Variants in LRMDA observed in about 807,000 individuals in gnomAD.
LRMDA encodes leucine rich melanocyte differentiation associated, also known as leucine-rich melanocyte differentiation-associated protein.
A neutral mutation model predicts 29.8 loss-of-function variants in LRMDA; 18 were observed. The ratio of observed to expected loss-of-function variants is 0.60; its 90% CI spans 0.42 to 0.90. The LOEUF (loss-of-function observed/expected upper bound fraction) is 0.90. Ranked by LOEUF, LRMDA falls within the 40% of genes least tolerant of loss-of-function variation. The pLI is 0.00. For synonymous variants in LRMDA, 125 were observed against 109.4 expected (o/e 1.14, Z -0.89); for missense variants, 273 against 273.9 (o/e 1.00, Z 0.02).
intron 2 of LRMDA, among the ~76,000 whole-genome samples, chr10:75,859,618 C>T (rs201459176): frequency 2.3e-5 from 1 of 43,490 alleles, no homozygotes; most frequent in African/African-American, 7.4e-5. Context: ...CACACACACA[C>T]ACACACACAC....
At chr10:75,790,900 TG>T (rs1843554596) in intron 2 of LRMDA, among the ~76,000 whole-genome samples, 1 of 152,248 alleles carries the variant, frequency 6.6e-6, no homozygotes, top group Admixed American at 6.5e-5. Context: ...TTCGTTGTAA[TG>T]GTTCTTGCAA....
intron 5 of LRMDA, among the ~76,000 whole-genome samples, chr10:76,211,192 A>G (rs1851627677): frequency 6.6e-6 from 1 of 152,222 alleles, no homozygotes; most frequent in South Asian, 2.1e-4. Context: ...GCACCTATCA[A>G]CATCCTACAG....
intron 2 of LRMDA, among the ~76,000 whole-genome samples, chr10:75,548,652 G>T (rs1402415792): frequency 6.6e-6 from 1 of 152,072 alleles, no homozygotes. Flanking sequence ...CAGATGCTGG[G>T]TGGCTCATTA....
intron 6 of LRMDA, among the ~76,000 whole-genome samples, chr10:76,489,715 C>T (rs1471789955): frequency 6.6e-6 from 1 of 151,850 alleles, no homozygotes; most frequent in Admixed American, 6.6e-5. Flanking sequence ...CTTACATTAT[C>T]AGTCATTTCA....
chr10:76,272,542 T>C (rs995793595), intron 5 of LRMDA, among the ~76,000 whole-genome samples: 5 of 152,198 alleles, frequency 3.3e-5, no homozygotes, highest in African/African-American at 1.2e-4. Flanking sequence ...TACATTAGCA[T>C]GAGGGCTTTG....
At chr10:76,289,588 G>A (rs938457124) in intron 5 of LRMDA, among the ~76,000 whole-genome samples, 2 of 152,080 alleles carry the variant, frequency 1.3e-5, no homozygotes, top group Non-Finnish European at 2.9e-5. Context: ...TATTACAGGC[G>A]ATATTTGGAT....
Position 75,636,273 on chromosome 10 carries a change from G to A in LRMDA, c.131+197779G>A, listed in dbSNP as rs544912293. On this transcript the variant is annotated intron_variant, in intron 2 of 6. Transcript: ENST00000611255. Reference sequence around the variant, plus strand: ...GATGCTGTCATTTAGGAGTGGTGTGGCAATTTGACCTTGAACAAATTACCT... The same window carrying A: ...GATGCTGTCATTTAGGAGTGGTGTGACAATTTGACCTTGAACAAATTACCT... Among the ~76,000 whole-genome samples, 108 of 152,178 alleles carry A rather than the reference G, an allele frequency of 7.1e-4. No homozygotes were observed. In the Middle Eastern group the frequency reaches 0.014, roughly 19 times the overall value.
chr10:75,937,177 T>C (rs1486824509), intron 2 of LRMDA, among the ~76,000 whole-genome samples: 1 of 152,236 alleles, frequency 6.6e-6, no homozygotes, highest in Non-Finnish European at 1.5e-5. Flanking sequence ...GTTTGAACTA[T>C]GACTACATTT....
chr10:75,628,737 G>A (rs866452844), intron 2 of LRMDA, among the ~76,000 whole-genome samples: 3 of 152,100 alleles, frequency 2.0e-5, no homozygotes, highest in East Asian at 3.9e-4. Context: ...TCTGACAGCC[G>A]GCACCACCAG....
intron 5 of LRMDA, among the ~76,000 whole-genome samples, chr10:76,112,200 C>A (rs1371985568): frequency 6.6e-6 from 1 of 152,158 alleles, no homozygotes; most frequent in Non-Finnish European, 1.5e-5. Context: ...CTCCTTCTAG[C>A]GGCGAGGAAT....
intron 2 of LRMDA, among the ~76,000 whole-genome samples, chr10:75,715,538 A>G (rs1366710920): frequency 6.6e-6 from 1 of 152,172 alleles, no homozygotes; most frequent in Non-Finnish European, 1.5e-5. Flanking sequence ...GCACATATCA[A>G]TATGTATTTT....
At chr10:76,183,345 G>A (rs1851088257) in intron 5 of LRMDA, among the ~76,000 whole-genome samples, 1 of 152,164 alleles carries the variant, frequency 6.6e-6, no homozygotes, top group Non-Finnish European at 1.5e-5. Flanking sequence ...TTTCAACATG[G>A]TTAATGAGAT....
Position 76,557,131 on chromosome 10 carries a change from T to G in LRMDA, c.602-78T>G, listed in dbSNP as rs528366371. 3.5e-5 allele frequency: 39 copies of G among 1,124,992 alleles called. No individual in the cohort carries two copies. In the South Asian group the frequency reaches 4.6e-4, roughly 13 times the overall value. 69.7% of individuals were successfully genotyped at this position (1,124,992 alleles called of 1,614,324 possible). Reference sequence around the variant, plus strand: ...CCATTGGATCTATGATTATCTTGCATGTCTGCTTTTCAGCACCTGTGTTTC... The same window carrying G: ...CCATTGGATCTATGATTATCTTGCAGGTCTGCTTTTCAGCACCTGTGTTTC... On this transcript the variant is annotated intron_variant, in intron 6 of 6. Transcript: ENST00000611255.
At chr10:76,116,960 G>A (rs923681650) in intron 5 of LRMDA, among the ~76,000 whole-genome samples, 10 of 152,094 alleles carry the variant, frequency 6.6e-5, no homozygotes, top group African/African-American at 2.2e-4. Context: ...TGTTATTCAC[G>A]TCTATCCAAT....
At chr10:75,748,116 A>G (rs977529634) in intron 2 of LRMDA, among the ~76,000 whole-genome samples, 1 of 151,894 alleles carries the variant, frequency 6.6e-6, no homozygotes, top group African/African-American at 2.4e-5. Context: ...TTTTCCAGAC[A>G]GAGTTCTGCT....
At chr10:75,580,600 C>A (rs370554486) in intron 2 of LRMDA, among the ~76,000 whole-genome samples, 1 of 152,102 alleles carries the variant, frequency 6.6e-6, no homozygotes, top group Non-Finnish European at 1.5e-5. Context: ...AAAAAGAGCC[C>A]GCATAGCCAA....
At chr10:75,666,814 G>A (rs1262026135) in intron 2 of LRMDA, among the ~76,000 whole-genome samples, 2 of 151,894 alleles carry the variant, frequency 1.3e-5, no homozygotes, top group Non-Finnish European at 2.9e-5. Flanking sequence ...TAGCCAGATG[G>A]GTCCAGTACT....
chr10:75,574,508 C>CT (rs1564804420), intron 2 of LRMDA, among the ~76,000 whole-genome samples: 2 of 152,222 alleles, frequency 1.3e-5, no homozygotes, highest in African/African-American at 4.8e-5. Flanking sequence ...ACATTTGGGC[C>CT]TGTTGGTCAG....
intron 5 of LRMDA, among the ~76,000 whole-genome samples, chr10:76,241,531 C>T (rs1410187201): frequency 6.6e-6 from 1 of 151,988 alleles, no homozygotes; most frequent in Admixed American, 6.6e-5. Context: ...TTTTTTTTCT[C>T]ACAGCAGATA....
Sources: gnomAD v4.1 joint callset for allele counts (sites outside exome capture counted in the v4.1 genomes callset) on GRCh38, gnomAD v4.1.1 for gene constraint, MANE v1.5 for transcripts, NCBI Gene and HGNC (gene_info 2026-07-23, HGNC 2026-07-21) for gene names.